ATP9B: variants seen among roughly 807,000 people sequenced by gnomAD.
The protein encoded by ATP9B is probable phospholipid-transporting ATPase IIB.
Under a neutral mutation model 146.1 loss-of-function variants are expected in ATP9B, and 110 were observed. The ratio of observed to expected loss-of-function variants is 0.75; its 90% CI spans 0.65 to 0.88. The LOEUF (loss-of-function observed/expected upper bound fraction) is 0.88, where lower values mean the gene tolerates loss of function less well. Ranked by LOEUF, ATP9B falls within the 40% of genes least tolerant of loss-of-function variation. The pLI is 0.00. For missense variants in ATP9B, 1,499 were observed against 1,496.4 expected, an observed-to-expected ratio of 1.00 and a Z score of -0.03; for synonymous variants, 604 against 569.7, an observed-to-expected ratio of 1.06 and a Z score of -0.86.
chr18:79,069,799 C>G (rs766284903), intron 1 of ATP9B, among the ~76,000 whole-genome samples: 7 of 152,218 alleles, frequency 4.6e-5, no homozygotes, highest in African/African-American at 9.6e-5. Context: ...GAACCGCGGT[C>G]CAGTGTTGAG....
intron 8 of ATP9B, among the ~76,000 whole-genome samples, chr18:79,188,373 A>C (rs2095328769): frequency 6.6e-6 from 1 of 152,212 alleles, no homozygotes. Context: ...ATACAAATTG[A>C]TGGTTACCAG....
chr18:79,135,869 C>T (rs67453727), intron 5 of ATP9B, among the ~76,000 whole-genome samples: 38,667 of 151,842 alleles, frequency 0.25, 5,249 homozygotes, highest in East Asian at 0.5. Flanking sequence ...GCCATTCAGT[C>T]GTTGTCAGTA....
In ATP9B at chr18:79,201,924, C is replaced by T. The variant is rs562479191; in HGVS notation, c.955-5013C>T. Among the ~76,000 whole-genome samples the T allele has an allele frequency of 2.5e-4, 38 of 152,050 alleles. 1 individual carries two copies. In the South Asian group the frequency reaches 7.1e-3, roughly 28 times the overall value. ...TAGTGGGGTGGCTACAGCTGGAGCA[C>T]GCCTGTAGCCTCAGCTATGTGGGAG... On this transcript the variant is annotated intron_variant, in intron 9 of 29. Transcript: ENST00000426216.
intron 4 of ATP9B, among the ~76,000 whole-genome samples, chr18:79,123,108 G>C (rs1599719855): frequency 6.6e-6 from 1 of 152,158 alleles, no homozygotes; most frequent in East Asian, 1.9e-4. Flanking sequence ...AAGGCATCTA[G>C]ATGGAAAGAA....
Position 79,378,063 on chromosome 18 carries a change from C to G in ATP9B, c.*680C>G, listed in dbSNP as rs1054474241. The G allele has an allele frequency of 2.0e-5, 3 of 152,284 alleles. No individual in the cohort carries two copies. Among genetic ancestry groups the G allele is most frequent in the Non-Finnish European group, 2.9e-5 (2 of 68,114 alleles). 9.4% of individuals were successfully genotyped at this position (152,284 alleles called of 1,614,324 possible). ...ACTGAAAGTTTAATTTCTGCAGTTC[C>G]CTCATATTCAGATTCTTTCTTTGAT... is the stretch of plus-strand genomic sequence containing the variant. On this transcript the variant is annotated 3_prime_UTR_variant, in exon 30 of 30. Coordinates refer to ENST00000426216, the MANE Select transcript of ATP9B (RefSeq NM_198531.5).
chr18:79,203,408 A>G (rs1240508751), intron 9 of ATP9B, among the ~76,000 whole-genome samples: 1 of 152,212 alleles, frequency 6.6e-6, no homozygotes, highest in Non-Finnish European at 1.5e-5. Flanking sequence ...CTGGAGGAGC[A>G]AGTACCTGAT....
At chr18:79,113,692 T>C (rs749558336) in intron 4 of ATP9B, among the ~76,000 whole-genome samples, 15 of 152,332 alleles carry the variant, frequency 9.8e-5, no homozygotes, top group Non-Finnish European at 1.6e-4. Flanking sequence ...GGGCTGGGGC[T>C]GTGGGTCTGT....
intron 6 of ATP9B, chr18:79,146,116 G>A (rs368015510): frequency 6.3e-4 from 9 of 14,194 alleles, no homozygotes; most frequent in South Asian, 9.2e-4. Flanking sequence ...CTGAAGGTGC[G>A]GGCTGCATGT....
At chr18:79,373,776 G>A in intron 27 of ATP9B, 122 bp from the exon 28 acceptor site, 1 of 978,712 alleles carries the variant, frequency 1.0e-6, no homozygotes, top group Non-Finnish European at 1.5e-6. Flanking sequence ...GACATGAGCT[G>A]CTGCGCCTGG....
rs368335416 is a variant in ATP9B at position 79,308,403 on chromosome 18, G to C, written c.1773+1169G>C. Among the ~76,000 whole-genome samples the C allele has an allele frequency of 9.2e-5, 14 of 152,332 alleles. No homozygotes were observed. In the East Asian group the frequency reaches 9.6e-4, roughly 10 times the overall value. ...GTGGAGGCAGTCCAAATGTCTATCA[G>C]CTATCAAACAAGAAATAAAATGTAG... is the stretch of plus-strand genomic sequence containing the variant. On this transcript the variant is annotated intron_variant, in intron 15 of 29. Transcript: ENST00000426216.
At chr18:79,294,869 A>G (rs993947207) in intron 13 of ATP9B, among the ~76,000 whole-genome samples, 7 of 152,206 alleles carry the variant, frequency 4.6e-5, no homozygotes, top group African/African-American at 1.7e-4. Context: ...CATGTTGCCA[A>G]AAAGGAGCGA....
chr18:79,094,899 C>T (rs1419330744), intron 1 of ATP9B, among the ~76,000 whole-genome samples: 1 of 152,166 alleles, frequency 6.6e-6, no homozygotes, highest in Non-Finnish European at 1.5e-5. Context: ...CCATCGTACA[C>T]GACATGTACA....
At chr18:79,278,998 A>AC (rs1216371317) in intron 13 of ATP9B, among the ~76,000 whole-genome samples, 3 of 152,052 alleles carry the variant, frequency 2.0e-5, no homozygotes, top group African/African-American at 7.2e-5. Context: ...TGCTGAGGAG[A>AC]CCCCACATGG....
intron 10 of ATP9B, among the ~76,000 whole-genome samples, chr18:79,213,402 A>C (rs1035803484): frequency 6.6e-6 from 1 of 152,124 alleles, no homozygotes; most frequent in Non-Finnish European, 1.5e-5. Flanking sequence ...TTTGACGTGT[A>C]AAAGAGAGTA....
At chr18:79,096,688 A>C in intron 2 of ATP9B, 39 bp downstream of exon 2, 5 of 1,527,508 alleles carry the variant, frequency 3.3e-6, no homozygotes, top group Non-Finnish European at 3.6e-6. Flanking sequence ...TTATATGCTA[A>C]GGTTACTTAT....
intron 4 of ATP9B, among the ~76,000 whole-genome samples, chr18:79,121,198 A>T (rs1006731469): frequency 6.6e-6 from 1 of 152,226 alleles, no homozygotes; most frequent in Non-Finnish European, 1.5e-5. Context: ...TTTTACAAAA[A>T]TGTATATTGT....
At chr18:79,200,760 A>C (rs78365604) in intron 9 of ATP9B, among the ~76,000 whole-genome samples, 7 of 13,350 alleles carry the variant, frequency 5.2e-4, no homozygotes, top group African/African-American at 1.8e-3. Flanking sequence ...TGGAGGTGGG[A>C]ACGTTGGGGT....
At position 79,193,187 on chromosome 18, in the gene ATP9B, T is replaced by G; in HGVS notation, c.878T>G (p.Leu293Arg). The G allele has an allele frequency of 8.1e-6, 13 of 1,599,646 alleles. No homozygotes were observed. The highest frequency in any genetic ancestry group is 1.3e-5 in the African/African-American group (1 of 74,680). The change falls in exon 9 of 30, where the codon CTT becomes CGT. Residue 293 changes from leucine to arginine, a missense_variant. Physicochemically the swap from Leu to Arg is moderately radical, Grantham distance 102. Coordinates refer to ENST00000426216, the MANE Select transcript of ATP9B (RefSeq NM_198531.5). ...CTQQLPALGDLFSISAYVYAQ... is the reference protein window; with the variant it reads ...CTQQLPALGDRFSISAYVYAQ... ...TTCAAATGTTCTGTATTCCAGGACC[T>G]TTTTTCTATCAGTGCTTATGTTTAT...
At chr18:79,292,782 G>C (rs1281167409) in intron 13 of ATP9B, among the ~76,000 whole-genome samples, 1 of 151,992 alleles carries the variant, frequency 6.6e-6, no homozygotes, top group East Asian at 1.9e-4. Context: ...TTTTGAAACA[G>C]GGTCTTGCTC....
Sources: gnomAD v4.1 joint callset for allele counts (sites outside exome capture counted in the v4.1 genomes callset) on GRCh38, gnomAD v4.1.1 for gene constraint, MANE v1.5 for transcripts, NCBI Gene and HGNC (gene_info 2026-07-23, HGNC 2026-07-21) for gene names.